Variants in MTM1 observed in about 807,000 individuals in gnomAD.
MTM1 encodes myotubularin.
Under a neutral mutation model 52.1 loss-of-function variants are expected in MTM1, and 9 were observed. That is an observed-to-expected ratio of 0.17 (90% CI 0.10 to 0.30). The LOEUF (loss-of-function observed/expected upper bound fraction) is 0.30. Among genes scored for constraint, MTM1 ranks in the 10% least tolerant of loss-of-function variants. MTM1 has a pLI of 1.00. For synonymous variants in MTM1, 136 were observed against 163.8 expected, an observed-to-expected ratio of 0.83 and a Z score of 1.29; for missense variants, 277 against 470.7, an observed-to-expected ratio of 0.59 and a Z score of 3.81.
upstream of MTM1, among the ~76,000 whole-genome samples, chrX:150,566,786 A>G (rs782273974): frequency 2.7e-5 from 3 of 111,258 alleles, no homozygotes; most frequent in East Asian, 5.7e-4. Context: ...AAGGTATCCC[A>G]GGCAGCTGCT....
intron 6 of MTM1, among the ~76,000 whole-genome samples, chrX:150,625,227 G>A (rs1311447077): frequency 8.9e-6 from 1 of 111,901 alleles, no homozygotes; most frequent in Non-Finnish European, 1.9e-5. Context: ...GATAATAACA[G>A]TCTCTACCCC....
In MTM1 at chrX:150,671,925, A is replaced by G. The variant is rs950388109; in HGVS notation, c.*330A>G. 1.3e-5 allele frequency: 3 copies of G among 234,154 alleles called. No individual in the cohort carries two copies. Among genetic ancestry groups the G allele is most frequent in the Non-Finnish European group, 2.3e-5 (3 of 131,716 alleles). 19.3% of individuals were successfully genotyped at this position (234,154 alleles called of 1,213,427 possible). A position where few individuals can be genotyped will look rare whatever the true frequency, so the allele number is the denominator to read the frequency against. Reference sequence around the variant, plus strand: ...ATATTTTGTGGGCTTAATTGAAACAACATTATTTTAAAATCAAAGGGGATA... The same window carrying G: ...ATATTTTGTGGGCTTAATTGAAACAGCATTATTTTAAAATCAAAGGGGATA... On this transcript the variant is annotated 3_prime_UTR_variant, in exon 15 of 15. Transcript: ENST00000370396.
At chrX:150,658,499 A>G (rs1267320919) in intron 11 of MTM1, among the ~76,000 whole-genome samples, 1 of 111,722 alleles carries the variant, frequency 9.0e-6, no homozygotes, top group African/African-American at 3.3e-5. Context: ...TCTTACCACA[A>G]AAATGGTAAC....
chrX:150,616,886 G>A (rs781901738), intron 5 of MTM1, among the ~76,000 whole-genome samples: 248 of 111,719 alleles, frequency 2.2e-3, no homozygotes, highest in African/African-American at 7.7e-3. Flanking sequence ...TCTTACTGTA[G>A]TGAGGCTTGG....
At chrX:150,570,074 T>C (rs2038340714) in intron 1 of MTM1, among the ~76,000 whole-genome samples, 1 of 111,827 alleles carries the variant, frequency 8.9e-6, no homozygotes, top group Non-Finnish European at 1.9e-5. Context: ...AAATGATTGG[T>C]CTCTTTAACT....
chrX:150,667,937 A>G (rs1557415027), intron 14 of MTM1, among the ~76,000 whole-genome samples: 2 of 112,475 alleles, frequency 1.8e-5, no homozygotes, highest in African/African-American at 6.5e-5. Context: ...ATATTTGGGA[A>G]AAGGATCTTT....
chrX:150,660,228 G>A (rs1312420216), intron 12 of MTM1, 143 bp from the exon 13 acceptor site: 3 of 473,154 alleles, frequency 6.3e-6, no homozygotes, highest in African/African-American at 2.4e-5. Context: ...AACAACTGTA[G>A]TGTGTGTGCA....
chrX:150,600,435 C>T (rs781907308), intron 4 of MTM1, among the ~76,000 whole-genome samples: 1 of 112,098 alleles, frequency 8.9e-6, no homozygotes, highest in East Asian at 2.8e-4. Context: ...TTCCCCTAGG[C>T]TGAGTTAACA....
chrX:150,649,602 T>C, intron 9 of MTM1, 114 bp from the exon 10 acceptor site: 1 of 646,682 alleles, frequency 1.5e-6, no homozygotes, highest in South Asian at 2.6e-5. Context: ...CAATTATTCA[T>C]TTAAATTGGA....
At chrX:150,668,532 A>G (rs1488940986) in intron 14 of MTM1, among the ~76,000 whole-genome samples, 1 of 30,886 alleles carries the variant, frequency 3.2e-5, no homozygotes, top group Non-Finnish European at 5.1e-5. Flanking sequence ...CATCTCTACA[A>G]AAAAAAAAAA....
intron 1 of MTM1, among the ~76,000 whole-genome samples, chrX:150,586,006 C>A (rs1472366636): frequency 1.8e-5 from 2 of 111,793 alleles, no homozygotes; most frequent in Non-Finnish European, 3.8e-5. Context: ...AAAAATGATT[C>A]AAAATGCATT....
intron 10 of MTM1, among the ~76,000 whole-genome samples, chrX:150,653,936 G>A (rs1260655387): frequency 8.9e-6 from 1 of 111,762 alleles, no homozygotes; most frequent in South Asian, 3.8e-4. Context: ...ACAAGCTAGT[G>A]GGGACATGGC....
At chrX:150,570,489 C>T (rs1265686920) in intron 1 of MTM1, among the ~76,000 whole-genome samples, 1 of 111,291 alleles carries the variant, frequency 9.0e-6, no homozygotes, top group East Asian at 2.8e-4. Context: ...TAAGCTCATC[C>T]CAGCCTCATT....
At chrX:150,633,468 T>C (rs1557413628) in intron 6 of MTM1, among the ~76,000 whole-genome samples, 1 of 112,495 alleles carries the variant, frequency 8.9e-6, no homozygotes, top group Non-Finnish European at 1.9e-5. Flanking sequence ...ATTAGAATTA[T>C]AAACTTTACC....
intron 4 of MTM1, among the ~76,000 whole-genome samples, chrX:150,603,409 T>C (rs1210267609): frequency 9.0e-6 from 1 of 111,485 alleles, no homozygotes; most frequent in Non-Finnish European, 1.9e-5. Flanking sequence ...GTGTGTGTGA[T>C]GGGTTAGGGG....
chrX:150,607,105 A>G (rs1214097652), intron 4 of MTM1, among the ~76,000 whole-genome samples: 2 of 107,889 alleles, frequency 1.9e-5, no homozygotes, highest in Non-Finnish European at 3.8e-5. Context: ...CTCCCGCCTC[A>G]GCTTCCCGAG....
intron 4 of MTM1, among the ~76,000 whole-genome samples, chrX:150,612,725 T>C (rs926954153): frequency 2.4e-4 from 27 of 111,309 alleles, no homozygotes; most frequent in African/African-American, 8.8e-4. Flanking sequence ...GGCTCATGCT[T>C]ATAATCCTAG....
intron 6 of MTM1, among the ~76,000 whole-genome samples, chrX:150,622,669 T>C (rs1470581273): frequency 8.9e-6 from 1 of 111,773 alleles, no homozygotes; most frequent in African/African-American, 3.3e-5. Flanking sequence ...TACATGGAAT[T>C]GATAGTTGTT....
intron 1 of MTM1, among the ~76,000 whole-genome samples, chrX:150,576,939 T>TA (rs2038482854): frequency 8.9e-6 from 1 of 112,366 alleles, no homozygotes; most frequent in South Asian, 3.6e-4. Context: ...TGTTTAGAAG[T>TA]ATATTTTTAC....
Sources: gnomAD v4.1 joint callset for allele counts (sites outside exome capture counted in the v4.1 genomes callset) on GRCh38, gnomAD v4.1.1 for gene constraint, MANE v1.5 for transcripts, NCBI Gene and HGNC (gene_info 2026-07-23, HGNC 2026-07-21) for gene names.